The following ROBO1 variants were observed in gnomAD, a reference collection of about 807,000 sequenced individuals.
ROBO1 encodes roundabout guidance receptor 1, also known as roundabout homolog 1.
In ROBO1, 149 loss-of-function variants were observed where a neutral mutation model predicts 195.9. The observed-to-expected ratio is 0.76, with a 90% CI of 0.67 to 0.87. The LOEUF (loss-of-function observed/expected upper bound fraction) is 0.87, where lower values mean the gene tolerates loss of function less well. ROBO1 is among the 40% of genes least tolerant of loss of function. The pLI, the probability that ROBO1 is intolerant of heterozygous loss-of-function variation, is 0.00. For synonymous variants in ROBO1, 816 were observed against 733.2 expected, an observed-to-expected ratio of 1.11 and a Z score of -1.82; for missense variants, 1,933 against 2,068.3, an observed-to-expected ratio of 0.93 and a Z score of 1.27.
intron 2 of ROBO1, among the ~76,000 whole-genome samples, chr3:79,371,310 C>A (rs2036183931): frequency 6.6e-6 from 1 of 151,946 alleles, no homozygotes; most frequent in South Asian, 2.1e-4. Context: ...AATCAACCTG[C>A]CAGATATAGC....
chr3:79,256,287 A>C (rs1276913607), intron 2 of ROBO1, among the ~76,000 whole-genome samples: 4 of 152,122 alleles, frequency 2.6e-5, no homozygotes, highest in Non-Finnish European at 5.9e-5. Context: ...CTTTCTTCCA[A>C]GGCTGTAGAC....
intron 2 of ROBO1, among the ~76,000 whole-genome samples, chr3:79,480,755 T>C (rs1938797121): frequency 6.6e-6 from 1 of 152,150 alleles, no homozygotes; most frequent in African/African-American, 2.4e-5. Flanking sequence ...CTTGGTTTAG[T>C]TTATGTGTGG....
At chr3:79,142,659 T>C (rs114143915) in intron 2 of ROBO1, among the ~76,000 whole-genome samples, 1,842 of 152,194 alleles carry the variant, frequency 0.012, 37 homozygotes, top group African/African-American at 0.04. Flanking sequence ...TTAGCACATG[T>C]GTGGGAAATG....
intron 1 of ROBO1, among the ~76,000 whole-genome samples, chr3:79,740,327 G>A (rs923703040): frequency 1.3e-5 from 2 of 149,922 alleles, no homozygotes; most frequent in Admixed American, 6.7e-5. Context: ...AAGTGATGTT[G>A]CTTATGGGAA....
At chr3:78,771,861 T>C (rs1034370083) in intron 4 of ROBO1, among the ~76,000 whole-genome samples, 2 of 152,150 alleles carry the variant, frequency 1.3e-5, no homozygotes, top group Non-Finnish European at 2.9e-5. Flanking sequence ...TTTATTTTCC[T>C]ATTTGGATGC....
At chr3:79,195,744 A>T (rs2081621742) in intron 2 of ROBO1, among the ~76,000 whole-genome samples, 1 of 151,490 alleles carries the variant, frequency 6.6e-6, no homozygotes, top group Non-Finnish European at 1.5e-5. Context: ...TTGAGAATTT[A>T]CTTCTTTGTT....
At chr3:79,497,749 C>G (rs1473215175) in intron 2 of ROBO1, among the ~76,000 whole-genome samples, 1 of 152,156 alleles carries the variant, frequency 6.6e-6, no homozygotes, top group Non-Finnish European at 1.5e-5. Flanking sequence ...ATGTGCAATT[C>G]AGTTTACTAT....
At chr3:79,034,123 T>TA (rs1186264725) in intron 3 of ROBO1, among the ~76,000 whole-genome samples, 21 of 152,214 alleles carry the variant, frequency 1.4e-4, no homozygotes, top group Admixed American at 1.4e-3. Context: ...TTGAGGCCTT[T>TA]GGTTCTCCAT....
At chr3:78,982,719 C>A (rs907088812) in intron 3 of ROBO1, among the ~76,000 whole-genome samples, 3 of 151,954 alleles carry the variant, frequency 2.0e-5, no homozygotes, top group African/African-American at 7.3e-5. Context: ...ACATCCACCC[C>A]CCAGGTTCAG....
At chr3:79,640,709 T>A (rs1465052799) in intron 1 of ROBO1, among the ~76,000 whole-genome samples, 1 of 152,154 alleles carries the variant, frequency 6.6e-6, no homozygotes, top group Non-Finnish European at 1.5e-5. Flanking sequence ...CTCATGCTAC[T>A]TTCTTTGGTG....
Position 79,485,950 on chromosome 3 carries a change from T to C in ROBO1, c.88+103874A>G, listed in dbSNP as rs186310647. ...TCCTGTCTTCAAAGGTTTTCCATTATTCTTTCCCACCTTGTTTTCACCACA... is the reference window on the plus strand; with the variant it reads ...TCCTGTCTTCAAAGGTTTTCCATTACTCTTTCCCACCTTGTTTTCACCACA... On this transcript the variant is annotated intron_variant, in intron 2 of 30. Transcript: ENST00000464233. Among the ~76,000 whole-genome samples, 36 of 152,364 alleles carry C rather than the reference T, an allele frequency of 2.4e-4. 1 individual carries two copies. Among genetic ancestry groups the C allele is most frequent in the Admixed American group, 7.2e-4 (11 of 15,306 alleles).
intron 1 of ROBO1, among the ~76,000 whole-genome samples, chr3:79,701,743 A>T (rs993506815): frequency 6.6e-6 from 1 of 151,810 alleles, no homozygotes; most frequent in Non-Finnish European, 1.5e-5. Context: ...TGAGATGTAC[A>T]TGTAACATAT....
chr3:79,614,265 A>C (rs1944752184), intron 1 of ROBO1, among the ~76,000 whole-genome samples: 1 of 152,132 alleles, frequency 6.6e-6, no homozygotes, highest in Non-Finnish European at 1.5e-5. Flanking sequence ...AATAAAACTC[A>C]AACTTAAAAG....
intron 1 of ROBO1, among the ~76,000 whole-genome samples, chr3:79,592,109 CTG>C (rs1944016123): frequency 6.6e-6 from 1 of 151,780 alleles, no homozygotes; most frequent in Non-Finnish European, 1.5e-5. Context: ...ATTTTTGTAT[CTG>C]TGGCTAATTA....
At chr3:79,639,987 G>T (rs550557780) in intron 1 of ROBO1, among the ~76,000 whole-genome samples, 3 of 152,136 alleles carry the variant, frequency 2.0e-5, no homozygotes, top group Non-Finnish European at 2.9e-5. Flanking sequence ...TTATGCAAAT[G>T]TGTATTAAAG....
At chr3:79,151,433 C>A (rs2080766286) in intron 2 of ROBO1, among the ~76,000 whole-genome samples, 1 of 151,678 alleles carries the variant, frequency 6.6e-6, no homozygotes, top group Admixed American at 6.6e-5. Flanking sequence ...AAATATACCA[C>A]TACTTCTCTA....
chr3:79,239,813 A>G (rs1035478767), intron 2 of ROBO1, among the ~76,000 whole-genome samples: 1 of 152,210 alleles, frequency 6.6e-6, no homozygotes, highest in Non-Finnish European at 1.5e-5. Flanking sequence ...CTTTATATAG[A>G]GTATATATCT....
At chr3:79,031,032 A>G (rs984860519) in intron 3 of ROBO1, among the ~76,000 whole-genome samples, 2 of 152,132 alleles carry the variant, frequency 1.3e-5, no homozygotes, top group Non-Finnish European at 2.9e-5. Context: ...CCAATATGTT[A>G]TTTACCTTCA....
At chr3:78,767,568 T>C (rs571104202) in intron 4 of ROBO1, among the ~76,000 whole-genome samples, 2 of 152,296 alleles carry the variant, frequency 1.3e-5, no homozygotes, top group Non-Finnish European at 2.9e-5. Flanking sequence ...GCCCAGCCTG[T>C]TGGTAATTTT....
Sources: allele counts gnomAD v4.1 joint callset (sites outside exome capture counted in the v4.1 genomes callset), GRCh38; gene constraint gnomAD v4.1.1; transcripts MANE v1.5; gene names NCBI Gene and HGNC (gene_info 2026-07-23, HGNC 2026-07-21).